Variants in CUBN observed in about 807,000 individuals in gnomAD.
CUBN encodes the protein cubilin.
In CUBN, 282 loss-of-function variants were observed where a neutral mutation model predicts 405.3. That is an observed-to-expected ratio of 0.70 (90% CI 0.63 to 0.77). The LOEUF is 0.77. Among genes scored for constraint, CUBN ranks in the 30% least tolerant of loss-of-function variants. The pLI is 0.00. For missense variants in CUBN, 4,514 were observed against 4,475.2 expected, an observed-to-expected ratio of 1.01 and a Z score of -0.25; for synonymous variants, 1,684 against 1,617.0, an observed-to-expected ratio of 1.04 and a Z score of -0.99.
chr10:16,916,757 A>G (rs1841895550), intron 45 of CUBN, among the ~76,000 whole-genome samples: 1 of 152,068 alleles, frequency 6.6e-6, no homozygotes, highest in Non-Finnish European at 1.5e-5. Context: ...CATTTTTTAA[A>G]TAAGGAAATC....
At chr10:16,874,961 C>G (rs951095161) in intron 57 of CUBN, among the ~76,000 whole-genome samples, 1 of 152,078 alleles carries the variant, frequency 6.6e-6, no homozygotes, top group Non-Finnish European at 1.5e-5. Flanking sequence ...TCTCTCCTGT[C>G]AGGGATAGAA....
Position 16,920,088 on chromosome 10 carries a change from C to G in CUBN, c.6696G>C (p.Val2232=), listed in dbSNP as rs1039114405. 1.2e-6 allele frequency: 2 copies of G among 1,613,768 alleles called. No individual in the cohort carries two copies. Among genetic ancestry groups the G allele is most frequent in the African/African-American group, 1.3e-5 (1 of 74,848 alleles). ...AATTATGAGGGTGGTTGGGGGAGGT[C>G]ACATACCCAGCAGAATCAGCATCAT... ...YIHDADSAGY[V]TSPNHPHNYP... The change falls in exon 44 of 67, where the codon GTG becomes GTC. Residue 2232 remains valine, a synonymous_variant. Transcript: ENST00000377833.
At chr10:17,094,460 G>A (rs1836330269) in intron 14 of CUBN, among the ~76,000 whole-genome samples, 1 of 151,960 alleles carries the variant, frequency 6.6e-6, no homozygotes, top group Non-Finnish European at 1.5e-5. Context: ...ATGTAAAATG[G>A]TCTGTTTGCA....
At chr10:16,981,760 C>A (rs1030437557) in intron 31 of CUBN, among the ~76,000 whole-genome samples, 2 of 152,140 alleles carry the variant, frequency 1.3e-5, no homozygotes, top group Non-Finnish European at 1.5e-5. Flanking sequence ...GGCAGCCAAG[C>A]AAATAAGCCA....
At position 16,954,504 on chromosome 10, in the gene CUBN, C is replaced by T. The variant is rs200115233; in HGVS notation, c.4740G>A (p.Thr1580=). 56 of 1,613,994 alleles carry T rather than the reference C, an allele frequency of 3.5e-5. No homozygotes were observed. The African/African-American group carries it at 4.1e-4, about 12-fold the overall frequency. ...GGTTAGCCAGCTGCTCCCTTCCACACGTCCTGGCAAGGCGGGACATTGTGG... is the reference window on the plus strand; with the variant it reads ...GGTTAGCCAGCTGCTCCCTTCCACATGTCCTGGCAAGGCGGGACATTGTGG... ...LSSTMSRLAR[T]CGREQLANPI... is the part of the protein sequence containing the mutation. Residue 1580 remains threonine, a synonymous_variant, in exon 32 of 67, where the codon ACG becomes ACA. Transcript: ENST00000377833.
chr10:16,965,114 A>G (rs559574621), intron 31 of CUBN, among the ~76,000 whole-genome samples: 173 of 152,064 alleles, frequency 1.1e-3, no homozygotes, highest in African/African-American at 4.1e-3. Flanking sequence ...TGTTTGTCCG[A>G]TGTATCGCTT....
At chr10:17,100,714 C>T (rs1478735044) in intron 13 of CUBN, among the ~76,000 whole-genome samples, 1 of 152,096 alleles carries the variant, frequency 6.6e-6, no homozygotes, top group Admixed American at 6.5e-5. Flanking sequence ...ATGTTGATTC[C>T]AGAGGGGCTA....
Position 16,928,194 on chromosome 10 carries a change from A to G in CUBN, c.6234T>C (p.Ser2078=), listed in dbSNP as rs1588658470. The change falls in exon 41 of 67, where the codon AGT becomes AGC. Residue 2078 remains serine (S), a synonymous_variant. Coordinates refer to ENST00000377833, the MANE Select transcript of CUBN (RefSeq NM_001081.4). ...YMFIRFTSDS[S]VTRAGFNASF... ...ATGCATTGAAGCCTGCCCTGGTTAC[A>G]CTGGAGTCCGAGGTGAAGCGGATGA... 1.2e-6 allele frequency: 2 copies of G among 1,614,002 alleles called. No individual in the cohort carries two copies. Among genetic ancestry groups the G allele is most frequent in the Non-Finnish European group, 1.7e-6 (2 of 1,179,902 alleles).
intron 28 of CUBN, among the ~76,000 whole-genome samples, chr10:16,997,437 A>AC: frequency 6.6e-6 from 1 of 151,346 alleles, no homozygotes; most frequent in African/African-American, 2.4e-5. Context: ...CCATCTAAAA[A>AC]AAAAAAAAAA....
At chr10:17,018,119 C>T (rs933592776) in intron 28 of CUBN, among the ~76,000 whole-genome samples, 1 of 152,120 alleles carries the variant, frequency 6.6e-6, no homozygotes, top group Non-Finnish European at 1.5e-5. Context: ...GTTAGAGAGC[C>T]GTTTCCCAGA....
chr10:16,912,553 T>C (rs1007703143), intron 48 of CUBN, among the ~76,000 whole-genome samples: 2 of 152,120 alleles, frequency 1.3e-5, no homozygotes, highest in East Asian at 1.9e-4. Context: ...GGGTCTGTAA[T>C]ATAAGGTACT....
intron 32 of CUBN, 101 bp from the exon 33 acceptor site, chr10:16,952,490 C>G: frequency 1.2e-6 from 1 of 826,802 alleles, no homozygotes; most frequent in Non-Finnish European, 2.1e-6. Flanking sequence ...GATTTTTCTT[C>G]TTATTTCTAA....
At chr10:16,931,337 T>C (rs1842359622) in intron 40 of CUBN, among the ~76,000 whole-genome samples, 1 of 151,968 alleles carries the variant, frequency 6.6e-6, no homozygotes, top group Admixed American at 6.6e-5. Context: ...ACTCACCAAC[T>C]GACACAGACC....
chr10:16,839,733 T>C lies in CUBN; in HGVS notation c.10032+597A>G, dbSNP rs574476563. Among the ~76,000 whole-genome samples the C allele has an allele frequency of 2.7e-3, 400 of 149,998 alleles. 1 individual carries two copies. The highest frequency in any genetic ancestry group is 8.8e-3 in the African/African-American group (366 of 41,398). On this transcript the variant is annotated intron_variant, in intron 62 of 66. Transcript: ENST00000377833. ...ATTACTGGGTATATACCCAAAGGAT[T>C]ATAAATCATGCTGCTATAAAGACAC... is the stretch of plus-strand genomic sequence containing the variant.
intron 56 of CUBN, among the ~76,000 whole-genome samples, chr10:16,885,779 G>C (rs1840794392): frequency 6.6e-6 from 1 of 152,180 alleles, no homozygotes; most frequent in South Asian, 2.1e-4. Flanking sequence ...TAGTCTGAGT[G>C]ATACGGTCTT....
chr10:16,966,155 G>T (rs1471244963), intron 31 of CUBN, among the ~76,000 whole-genome samples: 2 of 152,172 alleles, frequency 1.3e-5, no homozygotes, highest in African/African-American at 2.4e-5. Context: ...ATCCTCAGTA[G>T]CATTTGAGAA....
At chr10:16,835,975 A>T (rs1265012550) in intron 63 of CUBN, among the ~76,000 whole-genome samples, 1 of 152,212 alleles carries the variant, frequency 6.6e-6, no homozygotes, top group Non-Finnish European at 1.5e-5. Context: ...GCATATTTTT[A>T]AAATCAACTA....
rs1836092261 is a variant in CUBN, at chr10:17,085,722, C to T, written c.1985G>A (p.Gly662Glu). The T allele has an allele frequency of 6.2e-7, 1 of 1,613,838 alleles. No homozygotes were observed. The highest frequency in any genetic ancestry group is 1.3e-5 in the African/African-American group (1 of 74,848). Residue 662 changes from glycine (G) to glutamate (E), a missense_variant, in exon 16 of 67, where the codon GGG (glycine) becomes GAG (glutamate). Gly to Glu is a moderately conservative substitution (Grantham distance 98). Transcript: ENST00000377833. The stretch of plus-strand genomic sequence containing the variant: ...GACAGAGAAAGTGGTGCAGAACTTC[C>T]CAAGAAGGGGGTCCTGATACAAAGG... ...DGPLYQDPLLGKFCTTFSVPP... is the reference protein window; with the variant it reads ...DGPLYQDPLLEKFCTTFSVPP...
chr10:16,860,899 T>C (rs1291446727), intron 59 of CUBN, among the ~76,000 whole-genome samples: 1 of 152,224 alleles, frequency 6.6e-6, no homozygotes, highest in African/African-American at 2.4e-5. Context: ...CCACAGGTGC[T>C]GGGATGTGCT....
Sources: allele counts gnomAD v4.1 joint callset (sites outside exome capture counted in the v4.1 genomes callset), GRCh38; gene constraint gnomAD v4.1.1; transcripts MANE v1.5; gene names NCBI Gene and HGNC (gene_info 2026-07-23, HGNC 2026-07-21).